Variants in DPP6 observed in about 807,000 individuals in gnomAD.
The protein encoded by DPP6 is A-type potassium channel modulatory protein DPP6.
A neutral mutation model predicts 122.6 loss-of-function variants in DPP6; 69 were observed. That is an observed-to-expected ratio of 0.56 (90% CI 0.46 to 0.69). DPP6 has a LOEUF of 0.69. Ranked by LOEUF, DPP6 falls within the 30% of genes least tolerant of loss-of-function variation. DPP6 has a pLI of 0.00. For synonymous variants in DPP6, 418 were observed against 433.1 expected (o/e 0.97, Z 0.43); for missense variants, 928 against 1,116.9 (o/e 0.83, Z 2.41).
At chr7:153,778,736 G>T in the DPP6 span, among the ~76,000 whole-genome samples, 1 of 152,028 alleles carries the variant, frequency 6.6e-6, no homozygotes, top group African/African-American at 2.4e-5. Context: ...AGGGCTGGTG[G>T]AAATGTGAAA....
chr7:154,208,099 G>T (rs1307936875), intron 1 of DPP6, among the ~76,000 whole-genome samples: 2 of 152,124 alleles, frequency 1.3e-5, no homozygotes, highest in Non-Finnish European at 2.9e-5. Flanking sequence ...TTTAATAAAA[G>T]AAAGAAAAAT....
chr7:154,626,778 G>A (rs1835094335), intron 5 of DPP6, among the ~76,000 whole-genome samples: 1 of 152,110 alleles, frequency 6.6e-6, no homozygotes, highest in South Asian at 2.1e-4. Context: ...TTTGTGTTTG[G>A]AATCTGACAA....
intron 1 of DPP6, among the ~76,000 whole-genome samples, chr7:154,130,630 G>C (rs1460278872): frequency 6.6e-6 from 1 of 152,136 alleles, no homozygotes; most frequent in Non-Finnish European, 1.5e-5. Flanking sequence ...ACATCATTGT[G>C]TTTTACCTGA....
At chr7:154,438,811 A>G (rs1017336146) in intron 1 of DPP6, among the ~76,000 whole-genome samples, 1 of 152,196 alleles carries the variant, frequency 6.6e-6, no homozygotes, top group South Asian at 2.1e-4. Flanking sequence ...GACAGCAGCC[A>G]AGAACGACTT....
intron 8 of DPP6, among the ~76,000 whole-genome samples, chr7:154,768,108 C>T (rs1796020713): frequency 6.6e-6 from 1 of 152,230 alleles, no homozygotes; most frequent in Non-Finnish European, 1.5e-5. Context: ...GGGCAGCGTG[C>T]CTGCTGCAGG....
At chr7:154,464,923 A>G (rs971929762) in intron 2 of DPP6, among the ~76,000 whole-genome samples, 1 of 152,206 alleles carries the variant, frequency 6.6e-6, no homozygotes, top group Non-Finnish European at 1.5e-5. Flanking sequence ...TACTTATACT[A>G]TGGGGTTTTA....
chr7:153,877,838 G>A, the DPP6 span, among the ~76,000 whole-genome samples: 2 of 152,062 alleles, frequency 1.3e-5, no homozygotes, highest in African/African-American at 4.8e-5. Flanking sequence ...AAACCAAAAA[G>A]AAGAAGTATT....
chr7:154,779,063 ACCATCACCT>A (rs1796823716), intron 10 of DPP6, among the ~76,000 whole-genome samples: 1 of 2,254 alleles, frequency 4.4e-4, no homozygotes, highest in African/African-American at 2.1e-3. Flanking sequence ...CACCATCACC[ACCATCACCT>A]CCATCACCTC....
intron 1 of DPP6, among the ~76,000 whole-genome samples, chr7:154,182,948 CTG>C (rs1283346520): frequency 6.6e-6 from 1 of 152,148 alleles, no homozygotes; most frequent in Non-Finnish European, 1.5e-5. Flanking sequence ...TCTTCCCACT[CTG>C]TGCCCTGGAG....
chr7:153,833,241 T>C, the DPP6 span, among the ~76,000 whole-genome samples: 1 of 152,232 alleles, frequency 6.6e-6, no homozygotes, highest in Non-Finnish European at 1.5e-5. Context: ...ACTAATCTCC[T>C]AAATAGATCT....
chr7:154,092,765 C>T (rs1481567273), intron 1 of DPP6: 4 of 152,040 alleles, frequency 2.6e-5, no homozygotes, highest in South Asian at 2.1e-4. Context: ...GCGATTTTTT[C>T]GGACTATATT....
At chr7:154,194,138 C>A (rs1468320964) in intron 1 of DPP6, among the ~76,000 whole-genome samples, 1 of 152,120 alleles carries the variant, frequency 6.6e-6, no homozygotes, top group Non-Finnish European at 1.5e-5. Flanking sequence ...AAGTGTTTGT[C>A]ACTGTGAAAC....
chr7:154,597,019 G>A (rs910069104), intron 5 of DPP6, among the ~76,000 whole-genome samples: 2 of 152,152 alleles, frequency 1.3e-5, no homozygotes, highest in Admixed American at 6.5e-5. Context: ...TAGAAGTCCA[G>A]AAGAAGAAGT....
chr7:154,879,141 C>G (rs576408585), intron 20 of DPP6, among the ~76,000 whole-genome samples: 1 of 152,166 alleles, frequency 6.6e-6, no homozygotes, highest in South Asian at 2.1e-4. Context: ...TCACAGGTTC[C>G]CTCCTTTTAA....
At chr7:154,670,765 A>G (rs558810448) in intron 7 of DPP6, among the ~76,000 whole-genome samples, 10 of 152,346 alleles carry the variant, frequency 6.6e-5, no homozygotes, top group South Asian at 2.1e-4. Flanking sequence ...GCTGTCATCT[A>G]TCTTACAAAT....
intron 7 of DPP6, among the ~76,000 whole-genome samples, chr7:154,690,460 G>C (rs1839870178): frequency 6.6e-6 from 1 of 152,132 alleles, no homozygotes; most frequent in East Asian, 1.9e-4. Flanking sequence ...CTGACTTTGA[G>C]TAACTGTCTT....
At chr7:154,348,137 C>A (rs1253282709) in intron 1 of DPP6, among the ~76,000 whole-genome samples, 2 of 148,218 alleles carry the variant, frequency 1.3e-5, no homozygotes, top group Non-Finnish European at 3.0e-5. Flanking sequence ...GCAATTTAAA[C>A]AGGAGACATA....
chr7:153,860,440 C>T, the DPP6 span, among the ~76,000 whole-genome samples: 1 of 152,096 alleles, frequency 6.6e-6, no homozygotes, highest in South Asian at 2.1e-4. Flanking sequence ...GAGGCCAGAG[C>T]GTTTGCACCC....
intron 1 of DPP6, among the ~76,000 whole-genome samples, chr7:154,062,081 T>G (rs1197998675): frequency 8.6e-5 from 9 of 105,220 alleles, no homozygotes; most frequent in Non-Finnish European, 1.0e-4. Flanking sequence ...CACTGGCTCT[T>G]AGGACCCCCA....
Sources: gnomAD v4.1 joint callset for allele counts (sites outside exome capture counted in the v4.1 genomes callset) on GRCh38, gnomAD v4.1.1 for gene constraint, MANE v1.5 for transcripts, NCBI Gene and HGNC (gene_info 2026-07-23, HGNC 2026-07-21) for gene names.